Variants in RUSC1 observed in about 807,000 individuals in gnomAD.
The protein encoded by RUSC1 is RUN and SH3 domain containing 1.
RUSC1 carries 40 observed loss-of-function variants against 72.1 expected under a neutral mutation model. The ratio of observed to expected loss-of-function variants is 0.55; its 90% CI spans 0.43 to 0.72. The LOEUF is 0.72. Ranked by LOEUF, RUSC1 falls within the 30% of genes least tolerant of loss-of-function variation. RUSC1 has a pLI of 0.00. For missense variants in RUSC1, 1,092 were observed against 1,172.3 expected (o/e 0.93, Z 1.00); for synonymous variants, 512 against 494.2 (o/e 1.04, Z -0.48).
chr1:155,328,197 T>C lies in RUSC1; in HGVS notation c.2462T>C (p.Val821Ala). 1 of 1,613,576 alleles carries C rather than the reference T, an allele frequency of 6.2e-7. No individual in the cohort carries two copies. ...LPPTVSVLAL[V>A]KRGAPPEMPS... ...CCGACAGTGAGTGTGTTGGCTCTTG[T>C]GAAGCGGGGGGCACCTCCCGAGATG... The change falls in exon 9 of 10, where the codon GTG (valine) becomes GCG (alanine). Residue 821 changes from valine (V) to alanine (A), a missense_variant. Val to Ala is a moderately conservative substitution (Grantham distance 64, BLOSUM62 0). Coordinates refer to ENST00000368352, the MANE Select transcript of RUSC1 (RefSeq NM_001105203.2).
Position 155,326,656 on chromosome 1 carries a change from G to C in RUSC1, c.1938G>C (p.Glu646Asp), listed in dbSNP as rs746545508. Residue 646 changes from glutamate to aspartate, a missense_variant, in exon 8 of 10, where the codon GAG (glutamate) becomes GAC (aspartate). By Grantham distance (45) the Glu-to-Asp change is conservative. Transcript: ENST00000368352. This position sits in a 1 kb window ranked among gnomAD's most constrained non-coding sequence, Gnocchi z 4.7. ...GTGGTTGTCCCTCCCTGTCCACAGAGCTGCTGCTCCTGCTGCAGCCATTGT... is the reference window on the plus strand; with the variant it reads ...GTGGTTGTCCCTCCCTGTCCACAGACCTGCTGCTCCTGCTGCAGCCATTGT... ...ARGGCPSLST[E>D]LLLLLQPLSV... 6.2e-7 allele frequency: 1 copy of C among 1,613,954 alleles called. No homozygotes were observed. The highest frequency in any genetic ancestry group is 8.5e-7 in the Non-Finnish European group (1 of 1,180,034).
At position 155,326,010 on chromosome 1, in the gene RUSC1, A is replaced by G; in HGVS notation, c.1861+100A>G. Reference sequence around the variant, plus strand: ...TTCCCACTGCTGCCAGAATGCCATTAATCCAGATCTCCGATCTTATTACTC... The same window carrying G: ...TTCCCACTGCTGCCAGAATGCCATTGATCCAGATCTCCGATCTTATTACTC... On this transcript the variant is annotated intron_variant, in intron 7 of 9. Coordinates refer to ENST00000368352, the MANE Select transcript of RUSC1 (RefSeq NM_001105203.2). This position sits in a 1 kb window ranked among gnomAD's most constrained non-coding sequence, Gnocchi z 4.7. The G allele has an allele frequency of 8.1e-7, 1 of 1,233,930 alleles. No individual in the cohort carries two copies. The highest frequency in any genetic ancestry group is 1.2e-5 in the South Asian group (1 of 82,990). 76.4% of individuals were successfully genotyped at this position (1,233,930 alleles called of 1,614,324 possible).
chr1:155,324,322 C>G, intron 2 of RUSC1: 1 of 1,583,646 alleles, frequency 6.3e-7, no homozygotes, highest in Non-Finnish European at 8.6e-7. Flanking sequence ...CTGCGGGACC[C>G]GGGTTTCCCC....
Position 155,324,921 on chromosome 1 carries a change from TCAGCTGCAGGAG to T in RUSC1, c.1438_1449del (p.Leu480_Gln483del). On this transcript the variant is annotated inframe_deletion, in exon 3 of 10. Transcript: ENST00000368352. ...TGGCAGAAGCCCAGAGTGGGACTGG[TCAGCTGCAGGAG>T]CAGAAGAAAGGTAGGGCACCCTGAC... is the stretch of plus-strand genomic sequence containing the variant. The T allele has an allele frequency of 6.2e-7, 1 of 1,614,046 alleles. No individual in the cohort carries two copies.
In RUSC1 at chr1:155,327,066, G is replaced by T. The variant is rs748172988; in HGVS notation, c.2348G>T (p.Trp783Leu). 1 of 1,613,290 alleles carries T rather than the reference G, an allele frequency of 6.2e-7. No homozygotes were observed. ...GAGATGGCACCAGGCAGGGGCCTCTGGTTGGGAAGACTATTTGGAGTGCCT... is the reference window on the plus strand; with the variant it reads ...GAGATGGCACCAGGCAGGGGCCTCTTGTTGGGAAGACTATTTGGAGTGCCT... ...TDEMAPGRGL[W>L]LGRLFGVPGG... The change falls in exon 8 of 10, where the codon TGG becomes TTG. Residue 783 changes from tryptophan (W) to leucine (L), a missense_variant. Transcript: ENST00000368352.
intron 1 of RUSC1, chr1:155,321,254 AT>A: frequency 5.9e-6 from 8 of 1,365,380 alleles, no homozygotes; most frequent in Non-Finnish European, 7.8e-6. Flanking sequence ...CCTTTCCTGC[AT>A]TCACCAGACA....
Position 155,328,206 on chromosome 1 carries a change from G to A in RUSC1, c.2471G>A (p.Gly824Glu), listed in dbSNP as rs1651623678. Residue 824 changes from glycine to glutamate, a missense_variant, in exon 9 of 10, where the codon GGG becomes GAG. Transcript: ENST00000368352. The part of the protein sequence containing the change: ...TVSVLALVKR[G>E]APPEMPSPQE... ...AGTGTGTTGGCTCTTGTGAAGCGGG[G>A]GGCACCTCCCGAGATGCCTTCTCCT... 1.9e-6 allele frequency: 3 copies of A among 1,613,328 alleles called. No individual in the cohort carries two copies. Among genetic ancestry groups the A allele is most frequent in the South Asian group, 1.1e-5 (1 of 90,778 alleles).
chr1:155,325,169 G>A lies in RUSC1; in HGVS notation c.1524G>A (p.Leu508=). ...CGCATTTCGGGGCCGCCCGGAACTTGGTGCAGAAGGTGAAGGTGGCTGGGG... is the reference window on the plus strand; with the variant it reads ...CGCATTTCGGGGCCGCCCGGAACTTAGTGCAGAAGGTGAAGGTGGCTGGGG... ...IISHFGAARN[L]VQKAQLGDSR... The change falls in exon 4 of 10, where the codon TTG becomes TTA. Residue 508 remains leucine, a synonymous_variant. Coordinates refer to ENST00000368352, the MANE Select transcript of RUSC1 (RefSeq NM_001105203.2). This position sits in a 1 kb window ranked among gnomAD's most constrained non-coding sequence, Gnocchi z 6.5. 6.2e-7 allele frequency: 1 copy of A among 1,614,246 alleles called. No homozygotes were observed. The highest frequency in any genetic ancestry group is 1.1e-5 in the South Asian group (1 of 91,092).
At chr1:155,330,036 T>G (rs996155131) in intron 9 of RUSC1, among the ~76,000 whole-genome samples, 4 of 149,672 alleles carry the variant, frequency 2.7e-5, no homozygotes, top group African/African-American at 9.9e-5. Flanking sequence ...ATTGGATGTA[T>G]GGAGTGAGAT....
intron 2 of RUSC1, chr1:155,323,452 G>A (rs1342684403): frequency 1.2e-5 from 3 of 240,316 alleles, no homozygotes; most frequent in African/African-American, 2.2e-5. Context: ...CTCGGCCGAC[G>A]GGCGCCCCCT....
At position 155,325,769 on chromosome 1, in the gene RUSC1, G is replaced by GC. The variant is rs368272904; in HGVS notation, c.1815-88dup. 1.0e-3 allele frequency: 1,619 copies of GC among 1,580,394 alleles called. 7 individuals are homozygous for GC. In the African/African-American group the frequency reaches 0.015, roughly 15 times the overall value. ...GTAGTGCCTCACATCCCCAGAGAAG[G>GC]CCCCCCCTCTTCCAATCTCATCTCC... On this transcript the variant is annotated intron_variant, in intron 6 of 9. Coordinates refer to ENST00000368352, the MANE Select transcript of RUSC1 (RefSeq NM_001105203.2). This position sits in a 1 kb window ranked among gnomAD's most constrained non-coding sequence, Gnocchi z 6.5.
chr1:155,321,722 A>C lies in RUSC1; in HGVS notation c.-52A>C. The C allele has an allele frequency of 6.2e-7, 1 of 1,604,792 alleles. No individual in the cohort carries two copies. Among genetic ancestry groups the C allele is most frequent in the African/African-American group, 1.3e-5 (1 of 74,790 alleles). ...TGTGGTTGCCAGGTAGGTGGATGTG[A>C]GAGACCCTACCCTTCTGGTTCTCTA... On this transcript the variant is annotated 5_prime_UTR_variant, in exon 2 of 10. The change abolishes the stop of an existing upstream ORF in the 5' untranslated region. Transcript: ENST00000368352.
intron 2 of RUSC1, chr1:155,324,489 C>T: frequency 6.2e-7 from 1 of 1,606,538 alleles, no homozygotes; most frequent in Non-Finnish European, 8.5e-7. Flanking sequence ...GGCTACACCT[C>T]CCTCCCCGCG....
chr1:155,330,617 G>C lies in RUSC1; in HGVS notation c.*46G>C, dbSNP rs1276048788. 6.6e-7 allele frequency: 1 copy of C among 1,509,328 alleles called. No homozygotes were observed. Among genetic ancestry groups the C allele is most frequent in the South Asian group, 1.3e-5 (1 of 76,582 alleles). The allele number at this position is 1,509,328 out of a possible 1,614,324, so 93.5% of individuals were successfully genotyped here. ...TATGTGTCTCCTTCCTGTCACCTGG[G>C]AATGGAATGGCCAGTGAACACCATC... is the stretch of plus-strand genomic sequence containing the variant. On this transcript the variant is annotated 3_prime_UTR_variant, in exon 10 of 10. Transcript: ENST00000368352.
In RUSC1 at chr1:155,326,729, C is replaced by T. The variant is rs1270149326; in HGVS notation, c.2011C>T (p.Leu671=). Residue 671 remains leucine (L), a synonymous_variant, in exon 8 of 10, where the codon CTG becomes TTG. Transcript: ENST00000368352. The surrounding 1 kb of genome is among the most constrained non-coding windows in gnomAD (Gnocchi z 4.7). ...CCTGCTCTTTGAGCACCACCACCAC[C>T]TGCCCCTGGGCCCACCTCAGGCCCC... ...LDLLFEHHHH[L]PLGPPQAPAP... 1.6e-5 allele frequency: 26 copies of T among 1,613,250 alleles called. No individual in the cohort carries two copies. The highest frequency in any genetic ancestry group is 2.2e-5 in the Non-Finnish European group (26 of 1,180,052).
In RUSC1 at chr1:155,324,874, CCCGGAGCCCA is replaced by C; in HGVS notation, c.1388_1397del (p.Pro463ArgfsTer23). ...TAGTTCGTGGTCCTTCGCCGGTGTC[CCCGGAGCCCA>C]GCGGCTGTGGATGGCAGAAGCCCAG... On this transcript the variant is annotated frameshift_variant, in exon 3 of 10. Coordinates refer to ENST00000368352, the MANE Select transcript of RUSC1 (RefSeq NM_001105203.2). LOFTEE classifies it high-confidence loss of function. 6.2e-7 allele frequency: 1 copy of C among 1,614,230 alleles called. No individual in the cohort carries two copies. Among genetic ancestry groups the C allele is most frequent in the Admixed American group, 1.7e-5 (1 of 60,030 alleles).
Position 155,326,819 on chromosome 1 carries a change from CGGCT to C in RUSC1, c.2105_2108del (p.Leu702ProfsTer31). 6.2e-7 allele frequency: 1 copy of C among 1,613,420 alleles called. No homozygotes were observed. The highest frequency in any genetic ancestry group is 8.5e-7 in the Non-Finnish European group (1 of 1,180,038). On this transcript the variant is annotated frameshift_variant, in exon 8 of 10. Transcript: ENST00000368352. LOFTEE classifies it high-confidence loss of function. The surrounding 1 kb of genome is among the most constrained non-coding windows in gnomAD (Gnocchi z 4.7). Reference sequence around the variant, plus strand: ...GCAAGCCATGCTGCACTTTGGGGGCCGGCTGGCCCAGAGCCTTCGGGGGACTTCC... The same window carrying C: ...GCAAGCCATGCTGCACTTTGGGGGCCGGCCCAGAGCCTTCGGGGGACTTCC...
intron 1 of RUSC1, chr1:155,321,240 C>A: frequency 7.3e-7 from 1 of 1,360,824 alleles, no homozygotes; most frequent in Non-Finnish European, 9.8e-7. Flanking sequence ...CTCCAGCCCC[C>A]ACCCCTTTCC....
At position 155,323,113 on chromosome 1, in the gene RUSC1, C is replaced by G; in HGVS notation, c.1340C>G (p.Ala447Gly). Residue 447 changes from alanine (A) to glycine (G), a missense_variant, in exon 2 of 10, where the codon GCG (alanine) becomes GGG (glycine). Coordinates refer to ENST00000368352, the MANE Select transcript of RUSC1 (RefSeq NM_001105203.2). ...EEAPAAKEPG[A>G]QAGLEVRSSW... ...GCCCCAGCCGCGAAGGAGCCGGGCG[C>G]GCAGGCCGGCCTGGAGGGTAAGAGG... The G allele has an allele frequency of 7.0e-7, 1 of 1,421,450 alleles. No individual in the cohort carries two copies. The highest frequency in any genetic ancestry group is 9.1e-7 in the Non-Finnish European group (1 of 1,093,118). 88.1% of individuals were successfully genotyped at this position (1,421,450 alleles called of 1,614,324 possible).
Sources: gnomAD v4.1 joint callset for allele counts (sites outside exome capture counted in the v4.1 genomes callset) on GRCh38, gnomAD v4.1.1 for gene constraint, Gnocchi (gnomAD v3.1) non-coding constraint, MANE v1.5 for transcripts, NCBI Gene and HGNC (gene_info 2026-07-23, HGNC 2026-07-21) for gene names.